The following SATB2 variants were observed in gnomAD, a reference collection of about 807,000 sequenced individuals.
The protein encoded by SATB2 is SATB homeobox 2.
SATB2 carries 1 observed loss-of-function variant against 73.4 expected under a neutral mutation model. The observed-to-expected ratio is 0.01, with a 90% CI of 0.00 to 0.06. The LOEUF (loss-of-function observed/expected upper bound fraction) is 0.06. Among genes scored for constraint, SATB2 ranks in the 10% least tolerant of loss-of-function variants. The pLI is 1.00. For missense variants in SATB2, 459 were observed against 945.8 expected, an observed-to-expected ratio of 0.49 and a Z score of 6.75; for synonymous variants, 397 against 367.0, an observed-to-expected ratio of 1.08 and a Z score of -0.93.
At chr2:199,324,445 A>G (rs1017729796) in intron 8 of SATB2, among the ~76,000 whole-genome samples, 3 of 152,158 alleles carry the variant, frequency 2.0e-5, no homozygotes, top group African/African-American at 7.2e-5. Flanking sequence ...TCATTCGAGT[A>G]TGTATGGTTT....
chr2:199,393,536 C>T (rs1004743872), intron 3 of SATB2, among the ~76,000 whole-genome samples: 2 of 152,134 alleles, frequency 1.3e-5, no homozygotes, highest in Non-Finnish European at 2.9e-5. Context: ...GAATCCACTA[C>T]AGTCCCAGAG....
chr2:199,338,870 T>C (rs1442093944), intron 7 of SATB2, among the ~76,000 whole-genome samples: 1 of 143,340 alleles, frequency 7.0e-6, no homozygotes, highest in Middle Eastern at 3.6e-3. Flanking sequence ...TGAGCAGAGA[T>C]GGCACCACTG....
At chr2:199,352,394 C>T (rs1688844431) in intron 6 of SATB2, among the ~76,000 whole-genome samples, 3 of 152,122 alleles carry the variant, frequency 2.0e-5, no homozygotes, top group Admixed American at 2.0e-4. Context: ...GCATAAACAT[C>T]AAAGCTCCAT....
chr2:199,414,263 T>A (rs1368739375), intron 3 of SATB2, among the ~76,000 whole-genome samples: 3 of 152,194 alleles, frequency 2.0e-5, no homozygotes, highest in African/African-American at 7.2e-5. Flanking sequence ...CCATCTAAAC[T>A]GATCCTTCCA....
chr2:199,368,495 TA>T, intron 6 of SATB2, 109 bp downstream of exon 6: 2 of 723,760 alleles, frequency 2.8e-6, no homozygotes, highest in Non-Finnish European at 5.0e-6. Context: ...CTCACCTTTG[TA>T]AAAAAATTAC....
At chr2:199,302,239 C>T (rs535735181) in intron 10 of SATB2, among the ~76,000 whole-genome samples, 2 of 152,134 alleles carry the variant, frequency 1.3e-5, no homozygotes, top group East Asian at 3.9e-4. Context: ...GTGATTATCA[C>T]TAAAGGAAAC....
chr2:199,393,302 C>G (rs1445181360), intron 3 of SATB2, among the ~76,000 whole-genome samples: 1 of 152,158 alleles, frequency 6.6e-6, no homozygotes, highest in African/African-American at 2.4e-5. Flanking sequence ...GATGAAAGGT[C>G]ACTGTGCCGT....
chr2:199,420,291 A>T (rs749410577), intron 3 of SATB2, among the ~76,000 whole-genome samples: 1 of 152,206 alleles, frequency 6.6e-6, no homozygotes, highest in South Asian at 2.1e-4. Context: ...ACACATAGTA[A>T]GCTCTATGTT....
intron 3 of SATB2, chr2:199,397,043 T>TG (rs1316975944): frequency 6.6e-5 from 10 of 151,106 alleles, no homozygotes; most frequent in Admixed American, 1.3e-4. Flanking sequence ...TGCTAGGAAA[T>TG]GGAGTAGGCA....
chr2:199,383,447 A>G (rs1172919873), intron 3 of SATB2, among the ~76,000 whole-genome samples: 1 of 152,220 alleles, frequency 6.6e-6, no homozygotes, highest in African/African-American at 2.4e-5. Flanking sequence ...AAAAGAAACC[A>G]TGTAACATGT....
rs919699802 is a variant in SATB2 at position 199,463,027 on chromosome 2, C to A, written c.-141+1809G>T. Among the ~76,000 whole-genome samples the A allele has an allele frequency of 4.6e-5, 7 of 152,082 alleles. No individual in the cohort carries two copies. Among genetic ancestry groups the A allele is most frequent in the Non-Finnish European group, 8.8e-5 (6 of 68,014 alleles). Reference sequence around the variant, plus strand: ...CACTGCCTGCCCTGGGGGAAGAAAGCGAGGAGATAGGTTTCAGAGCTGGGG... The same window carrying A: ...CACTGCCTGCCCTGGGGGAAGAAAGAGAGGAGATAGGTTTCAGAGCTGGGG... On this transcript the variant is annotated intron_variant, in intron 1 of 11. Coordinates refer to the SATB2 transcript ENST00000260926. This position sits in a 1 kb window ranked among gnomAD's most constrained non-coding sequence, Gnocchi z 6.4.
intron 3 of SATB2, among the ~76,000 whole-genome samples, chr2:199,414,177 G>C (rs906780673): frequency 6.6e-6 from 1 of 152,148 alleles, no homozygotes; most frequent in Non-Finnish European, 1.5e-5. Flanking sequence ...ACTGCCAACT[G>C]TCTGTCTCAC....
In SATB2 at chr2:199,283,849, G is replaced by A. The variant is rs183550812; in HGVS notation, c.1741-11177C>T. The stretch of plus-strand genomic sequence containing the variant: ...TGTACTGTGTGAAGAAATGGGAAGC[G>A]CATATGAAGTACTTCTGTAGCATAC... On this transcript the variant is annotated intron_variant, in intron 10 of 10. Transcript: ENST00000417098. Among the ~76,000 whole-genome samples the A allele has an allele frequency of 5.3e-5, 8 of 152,200 alleles. No individual in the cohort carries two copies. In the East Asian group the frequency reaches 9.7e-4, roughly 18 times the overall value.
Position 199,283,105 on chromosome 2 carries a change from A to G in SATB2, c.1741-10433T>C, listed in dbSNP as rs1692576619. Among the ~76,000 whole-genome samples the G allele has an allele frequency of 4.1e-5, 6 of 144,914 alleles. No homozygotes were observed. The South Asian group carries it at 1.1e-3, about 26-fold the overall frequency. ...TAAACTTTTTTTTTTTTTTTTTGAG[A>G]TGGAATCTCACTCTGTCGCCCAGGC... is the stretch of plus-strand genomic sequence containing the variant. On this transcript the variant is annotated intron_variant, in intron 10 of 10. Coordinates refer to ENST00000417098, the MANE Select transcript of SATB2 (RefSeq NM_001172509.2).
chr2:199,275,699 T>C (rs926470074), intron 10 of SATB2, among the ~76,000 whole-genome samples: 1 of 152,144 alleles, frequency 6.6e-6, no homozygotes, highest in Non-Finnish European at 1.5e-5. Flanking sequence ...GTGAAATATA[T>C]AGTTTCTGGT....
intron 7 of SATB2, chr2:199,329,128 T>C: frequency 5.1e-6 from 3 of 590,368 alleles, no homozygotes; most frequent in Non-Finnish European, 6.1e-6. Flanking sequence ...TGACACTTTA[T>C]CATCACTGTA....
At chr2:199,390,989 GT>G (rs1690114874) in intron 3 of SATB2, among the ~76,000 whole-genome samples, 1 of 152,110 alleles carries the variant, frequency 6.6e-6, no homozygotes, top group Admixed American at 6.6e-5. Context: ...GAAGGCAAAC[GT>G]ATATTCATTT....
chr2:199,437,357 C>CCT (rs1288634798), intron 2 of SATB2, among the ~76,000 whole-genome samples: 2 of 152,080 alleles, frequency 1.3e-5, no homozygotes, highest in African/African-American at 4.8e-5. Flanking sequence ...AGCCTGGTAC[C>CCT]CTCTCTACAC....
rs190412984 is a variant in SATB2 at position 199,291,203 on chromosome 2, T to C, written c.1740+17557A>G. ...AAAGTAACAAAATTAATTCAATGTA[T>C]ATATTTTTTTGCCCCCACTTTGATT... On this transcript the variant is annotated intron_variant, in intron 10 of 10. Coordinates refer to ENST00000417098, the MANE Select transcript of SATB2 (RefSeq NM_001172509.2). 1.7e-3 allele frequency among the ~76,000 whole-genome samples: 262 copies of C among 152,330 alleles called. 1 individual carries two copies. The highest frequency in any genetic ancestry group is 6.0e-3 in the African/African-American group (250 of 41,570).
Sources: gnomAD v4.1 joint callset for allele counts (sites outside exome capture counted in the v4.1 genomes callset) on GRCh38, gnomAD v4.1.1 for gene constraint, Gnocchi (gnomAD v3.1) non-coding constraint, MANE v1.5 for transcripts, NCBI Gene and HGNC (gene_info 2026-07-23, HGNC 2026-07-21) for gene names.